The following TMEM132D variants were observed in gnomAD, a reference collection of about 807,000 sequenced individuals.
TMEM132D encodes mature OL transmembrane protein.
Under a neutral mutation model 62.3 loss-of-function variants are expected in TMEM132D, and 21 were observed. The ratio of observed to expected loss-of-function variants is 0.34; its 90% CI spans 0.24 to 0.49. TMEM132D has a LOEUF of 0.49. Among genes scored for constraint, TMEM132D ranks in the 20% least tolerant of loss-of-function variants. The probability of loss-of-function intolerance (pLI) is 0.99; values close to 1 mark genes in which losing one functional copy is unlikely to be tolerated. For missense variants in TMEM132D, 1,346 were observed against 1,402.8 expected (o/e 0.96, Z 0.65); for synonymous variants, 621 against 575.6 (o/e 1.08, Z -1.13).
chr12:129,585,476 C>T (rs1452618057), intron 2 of TMEM132D, among the ~76,000 whole-genome samples: 1 of 152,216 alleles, frequency 6.6e-6, no homozygotes, highest in African/African-American at 2.4e-5. Context: ...CATTGGTTGG[C>T]TGCGTGTGGG....
In TMEM132D at chr12:129,131,401, G is replaced by A. The variant is rs572904585; in HGVS notation, c.1444-46699C>T. ...GTGGGCGGATTGCTTGAGGCCAGGC[G>A]TTTGAGACCAGCCTGGCCAACATGG... On this transcript the variant is annotated intron_variant, in intron 5 of 8. Coordinates refer to ENST00000422113, the MANE Select transcript of TMEM132D (RefSeq NM_133448.3). Among the ~76,000 whole-genome samples, 160 of 152,274 alleles carry A rather than the reference G, an allele frequency of 1.1e-3. 1 individual carries two copies. Among genetic ancestry groups the A allele is most frequent in the African/African-American group, 3.0e-3 (126 of 41,558 alleles).
At chr12:129,436,995 C>G (rs560339032) in intron 3 of TMEM132D, among the ~76,000 whole-genome samples, 11 of 152,290 alleles carry the variant, frequency 7.2e-5, no homozygotes, top group African/African-American at 2.2e-4. Context: ...ATCATAGAGA[C>G]TGCTCCATCA....
chr12:129,133,266 A>C (rs1224205922), intron 5 of TMEM132D, among the ~76,000 whole-genome samples: 1 of 152,252 alleles, frequency 6.6e-6, no homozygotes, highest in Non-Finnish European at 1.5e-5. Context: ...AGGCTGTAGC[A>C]AATGTCTAGG....
intron 4 of TMEM132D, among the ~76,000 whole-genome samples, chr12:129,267,126 C>A (rs144049034): frequency 1.4e-4 from 21 of 152,294 alleles, no homozygotes; most frequent in African/African-American, 3.1e-4. Flanking sequence ...CCACACTGGC[C>A]TTCTTTTATT....
At chr12:129,588,303 C>T (rs1878086838) in intron 2 of TMEM132D, among the ~76,000 whole-genome samples, 1 of 152,230 alleles carries the variant, frequency 6.6e-6, no homozygotes, top group Non-Finnish European at 1.5e-5. Context: ...TCACAGAGGA[C>T]TGAGCTCGCT....
chr12:129,890,247 C>T (rs948221735), intron 1 of TMEM132D, among the ~76,000 whole-genome samples: 2 of 152,266 alleles, frequency 1.3e-5, no homozygotes, highest in South Asian at 2.1e-4. Flanking sequence ...TGGAACTTGG[C>T]GCAGGGCAGT....
At chr12:129,426,552 A>G (rs990387819) in intron 3 of TMEM132D, among the ~76,000 whole-genome samples, 1 of 152,156 alleles carries the variant, frequency 6.6e-6, no homozygotes, top group Non-Finnish European at 1.5e-5. Flanking sequence ...TATCTCAGGA[A>G]TCTCCATCAC....
chr12:129,569,871 G>T (rs568414420), intron 2 of TMEM132D, among the ~76,000 whole-genome samples: 1 of 152,252 alleles, frequency 6.6e-6, no homozygotes, highest in Admixed American at 6.5e-5. Context: ...CTGGGGGTTT[G>T]GTGGTGGGTG....
intron 1 of TMEM132D, among the ~76,000 whole-genome samples, chr12:129,884,736 C>G (rs573879272): frequency 6.6e-5 from 10 of 152,368 alleles, no homozygotes; most frequent in Non-Finnish European, 1.0e-4. Flanking sequence ...ACACACACAT[C>G]TCATGTGACC....
At chr12:129,866,898 C>T (rs1391652672) in intron 1 of TMEM132D, among the ~76,000 whole-genome samples, 1 of 152,048 alleles carries the variant, frequency 6.6e-6, no homozygotes, top group African/African-American at 2.4e-5. Flanking sequence ...CATTAATGAA[C>T]GAATGGATAC....
intron 4 of TMEM132D, among the ~76,000 whole-genome samples, chr12:129,214,837 AG>A (rs1206880823): frequency 6.6e-6 from 1 of 152,220 alleles, no homozygotes; most frequent in African/African-American, 2.4e-5. Context: ...TGTGGGGTAA[AG>A]GGAATACTTA....
At chr12:129,204,442 T>C (rs541652150) in intron 5 of TMEM132D, among the ~76,000 whole-genome samples, 1 of 152,328 alleles carries the variant, frequency 6.6e-6, no homozygotes, top group Admixed American at 6.5e-5. Context: ...GAGGGCTGGC[T>C]GTCTGAAATA....
intron 1 of TMEM132D, among the ~76,000 whole-genome samples, chr12:129,889,446 T>G (rs1874852688): frequency 6.6e-6 from 1 of 152,162 alleles, no homozygotes; most frequent in South Asian, 2.1e-4. Context: ...GAACAACAAA[T>G]GAACCTTTCC....
At chr12:129,369,467 C>T (rs1870528434) in intron 3 of TMEM132D, among the ~76,000 whole-genome samples, 1 of 152,176 alleles carries the variant, frequency 6.6e-6, no homozygotes, top group Non-Finnish European at 1.5e-5. Context: ...TGGCACTCAT[C>T]CTATGAAACA....
At chr12:129,777,290 C>T (rs535122343) in intron 1 of TMEM132D, among the ~76,000 whole-genome samples, 9 of 152,316 alleles carry the variant, frequency 5.9e-5, no homozygotes, top group African/African-American at 1.7e-4. Flanking sequence ...CTCAGCCCTA[C>T]TCGTTGTCAA....
chr12:129,087,150 G>T (rs1874646916), intron 5 of TMEM132D, among the ~76,000 whole-genome samples: 1 of 152,022 alleles, frequency 6.6e-6, no homozygotes, highest in African/African-American at 2.4e-5. Flanking sequence ...CCACTTCCCA[G>T]CTCCTGGAAA....
At chr12:129,511,059 C>T (rs1817533) in intron 3 of TMEM132D, among the ~76,000 whole-genome samples, 1,746 of 152,200 alleles carry the variant, frequency 0.011, 28 homozygotes, top group African/African-American at 0.04. Context: ...ATAAATAGCG[C>T]ACCCATTTTA....
In TMEM132D at chr12:129,760,836, C is replaced by G. The variant is rs142536628; in HGVS notation, c.80-60138G>C. ...TTTCTCTGCAACCCCCAACAGGCCC[C>G]GTGTGTGATGTTCCCCTCCGTGTGT... On this transcript the variant is annotated intron_variant, in intron 1 of 8. Transcript: ENST00000422113. Among the ~76,000 whole-genome samples, 918 of 152,000 alleles carry G rather than the reference C, an allele frequency of 6.0e-3. 11 individuals are homozygous for G. Among genetic ancestry groups the G allele is most frequent in the African/African-American group, 0.021 (870 of 41,446 alleles).
Position 129,825,792 on chromosome 12 carries a change from A to G in TMEM132D, c.79+77469T>C, listed in dbSNP as rs1424395346. Among the ~76,000 whole-genome samples, 4 of 152,282 alleles carry G rather than the reference A, an allele frequency of 2.6e-5. No individual in the cohort carries two copies. In the East Asian group the frequency reaches 7.8e-4, roughly 30 times the overall value. ...TAAAGCGAGGGGTATAACCAGGTGC[A>G]GTGGCTCACGCCTCTGATTCCAGCA... On this transcript the variant is annotated intron_variant, in intron 1 of 8. Coordinates refer to ENST00000422113, the MANE Select transcript of TMEM132D (RefSeq NM_133448.3).
Sources: allele counts gnomAD v4.1 joint callset (sites outside exome capture counted in the v4.1 genomes callset), GRCh38; gene constraint gnomAD v4.1.1; transcripts MANE v1.5; gene names NCBI Gene and HGNC (gene_info 2026-07-23, HGNC 2026-07-21).